The following ZSWIM6 variants were observed in gnomAD, a reference collection of about 807,000 sequenced individuals.
The protein encoded by ZSWIM6 is zinc finger SWIM-type containing 6.
Under a neutral mutation model 113.2 loss-of-function variants are expected in ZSWIM6, and 9 were observed. The ratio of observed to expected loss-of-function variants is 0.08; its 90% confidence interval spans 0.05 to 0.14. ZSWIM6 has a LOEUF of 0.14. Ranked by LOEUF, ZSWIM6 falls within the 10% of genes least tolerant of loss-of-function variation. The probability of loss-of-function intolerance (pLI) is 1.00; values close to 1 mark genes in which losing one functional copy is unlikely to be tolerated. For missense variants in ZSWIM6, 1,162 were observed against 1,552.2 expected (o/e 0.75, Z 4.22); for synonymous variants, 611 against 606.5 (o/e 1.01, Z -0.11).
chr5:61,424,543 T>C (rs1286906133), intron 1 of ZSWIM6, among the ~76,000 whole-genome samples: 1 of 152,180 alleles, frequency 6.6e-6, no homozygotes, highest in African/African-American at 2.4e-5. Context: ...CTGCTTCTAA[T>C]CTTGGGCTTC....
rs1188070017 is a variant in ZSWIM6, at chr5:61,332,725, C to T, written c.453C>T (p.Gly151=). The T allele has an allele frequency of 5.2e-6, 5 of 965,442 alleles. No homozygotes were observed. Among genetic ancestry groups the T allele is most frequent in the Non-Finnish European group, 6.1e-6 (5 of 818,764 alleles). 59.8% of individuals were successfully genotyped at this position (965,442 alleles called of 1,614,324 possible). Residue 151 remains glycine (G), a synonymous_variant, in exon 1 of 14, where the codon GGC becomes GGT. Transcript: ENST00000252744. ...GCGGCGGCGGCGCGGGCGGCGGCGG[C>T]GGCGGCGGCTCCTCGTCTTCCCCGG... ...SGGGGGAGGG[G]GGGSSSSPAA... is the part of the protein sequence containing the mutation.
intron 4 of ZSWIM6, among the ~76,000 whole-genome samples, chr5:61,504,553 G>GT (rs1271294860): frequency 6.6e-6 from 1 of 152,074 alleles, no homozygotes; most frequent in Non-Finnish European, 1.5e-5. Flanking sequence ...TTAAGAAATT[G>GT]TTTTTTTGAA....
At position 61,452,066 on chromosome 5, in the gene ZSWIM6, C is replaced by T. The variant is rs192806535; in HGVS notation, c.677-20615C>T. On this transcript the variant is annotated intron_variant, in intron 1 of 13. Transcript: ENST00000252744. ...GCCTTTTGTGTGCCTCTCTCAGATACCTTTACTTCATTTCCCATTTCCCAC... is the reference window on the plus strand; with the variant it reads ...GCCTTTTGTGTGCCTCTCTCAGATATCTTTACTTCATTTCCCATTTCCCAC... 1.2e-3 allele frequency among the ~76,000 whole-genome samples: 190 copies of T among 152,182 alleles called. 1 individual carries two copies. The highest frequency in any genetic ancestry group is 3.4e-3 in the Middle Eastern group (1 of 294).
intron 4 of ZSWIM6, among the ~76,000 whole-genome samples, chr5:61,515,660 C>A (rs1000793390): frequency 2.8e-4 from 43 of 152,134 alleles, no homozygotes; most frequent in African/African-American, 9.9e-4. Flanking sequence ...ATGTGTCTAA[C>A]ACATGAACTT....
intron 1 of ZSWIM6, chr5:61,391,588 G>T (rs896656608): frequency 1.1e-6 from 1 of 910,598 alleles, no homozygotes; most frequent in Non-Finnish European, 1.9e-6. Context: ...GCCTCGAGGG[G>T]TTTCCACGAA....
chr5:61,505,625 T>A (rs1561268265), intron 4 of ZSWIM6, among the ~76,000 whole-genome samples: 3 of 82,900 alleles, frequency 3.6e-5, no homozygotes, highest in Non-Finnish European at 8.1e-5. Context: ...CTTCCTTCCT[T>A]CCTTCCTTCC....
At chr5:61,466,331 T>G (rs1178844504) in intron 1 of ZSWIM6, among the ~76,000 whole-genome samples, 1 of 152,190 alleles carries the variant, frequency 6.6e-6, no homozygotes, top group African/African-American at 2.4e-5. Flanking sequence ...ATGGGAGCAT[T>G]AACACTTTTG....
At chr5:61,424,655 C>T (rs927309886) in intron 1 of ZSWIM6, among the ~76,000 whole-genome samples, 1 of 151,708 alleles carries the variant, frequency 6.6e-6, no homozygotes, top group Non-Finnish European at 1.5e-5. Context: ...TATGGAATTA[C>T]TTTTGTTGAG....
chr5:61,403,901 T>C (rs1745990869), intron 1 of ZSWIM6, among the ~76,000 whole-genome samples: 1 of 152,246 alleles, frequency 6.6e-6, no homozygotes, highest in African/African-American at 2.4e-5. Context: ...AAGTATATTT[T>C]TGAGTAGCTT....
chr5:61,363,362 T>C (rs1035653705), intron 1 of ZSWIM6, among the ~76,000 whole-genome samples: 3 of 152,234 alleles, frequency 2.0e-5, no homozygotes, highest in Non-Finnish European at 4.4e-5. Flanking sequence ...GAATACCCTG[T>C]AATCTAGTGA....
At chr5:61,519,878 G>A (rs916617315) in intron 4 of ZSWIM6, among the ~76,000 whole-genome samples, 3 of 152,110 alleles carry the variant, frequency 2.0e-5, no homozygotes, top group Admixed American at 1.3e-4. Flanking sequence ...TCAGGCATTA[G>A]TTAGATTCCC....
chr5:61,527,373 A>C (rs1218197666), intron 7 of ZSWIM6, among the ~76,000 whole-genome samples: 2 of 152,028 alleles, frequency 1.3e-5, no homozygotes, highest in Non-Finnish European at 2.9e-5. Context: ...TTTTGTTTTT[A>C]ATGCTTGGGT....
At chr5:61,338,219 A>T (rs1413852410) in intron 1 of ZSWIM6, among the ~76,000 whole-genome samples, 2 of 151,504 alleles carry the variant, frequency 1.3e-5, no homozygotes, top group Admixed American at 6.6e-5. Flanking sequence ...TAGAATTAAG[A>T]TGGGTACAAA....
chr5:61,377,682 A>ACTCCAGCC (rs1010406635), intron 1 of ZSWIM6, among the ~76,000 whole-genome samples: 1 of 151,554 alleles, frequency 6.6e-6, no homozygotes, highest in African/African-American at 2.4e-5. Flanking sequence ...ACACCACTGC[A>ACTCCAGCC]CTCCAGCCTG....
chr5:61,526,661 A>G lies in ZSWIM6; in HGVS notation c.1837+265A>G. Reference sequence around the variant, plus strand: ...AATTTTCTTTATTGTTTTAATGACTATTTAGTATGTCTAAATTATTTAAAA... The same window carrying G: ...AATTTTCTTTATTGTTTTAATGACTGTTTAGTATGTCTAAATTATTTAAAA... On this transcript the variant is annotated intron_variant, in intron 7 of 13. Coordinates refer to ENST00000252744, the MANE Select transcript of ZSWIM6 (RefSeq NM_020928.2). Among the ~76,000 whole-genome samples, 3 of 149,550 alleles carry G rather than the reference A, an allele frequency of 2.0e-5. 1 individual carries two copies. Among genetic ancestry groups the G allele is most frequent in the Admixed American group, 2.0e-4 (3 of 15,174 alleles).
intron 1 of ZSWIM6, among the ~76,000 whole-genome samples, chr5:61,455,628 G>A (rs764463050): frequency 6.6e-5 from 10 of 152,162 alleles, no homozygotes; most frequent in Admixed American, 2.6e-4. Context: ...GGGAGCAGAC[G>A]GAGCACTTGG....
chr5:61,394,329 G>C (rs766727284), intron 1 of ZSWIM6, among the ~76,000 whole-genome samples: 18 of 152,164 alleles, frequency 1.2e-4, no homozygotes, highest in Non-Finnish European at 7.3e-5. Flanking sequence ...TGTGCCCTGG[G>C]CTGTCAGGCA....
intron 1 of ZSWIM6, among the ~76,000 whole-genome samples, chr5:61,462,860 G>A (rs1030251148): frequency 6.6e-6 from 1 of 152,142 alleles, no homozygotes; most frequent in East Asian, 1.9e-4. Flanking sequence ...GATGGAGCTC[G>A]AAGGAAGACC....
chr5:61,500,746 A>G (rs1377848974), intron 4 of ZSWIM6, among the ~76,000 whole-genome samples: 4 of 152,182 alleles, frequency 2.6e-5, no homozygotes, highest in Admixed American at 2.6e-4. Flanking sequence ...TATCATAAAT[A>G]TAGGTACTAC....
Sources: gnomAD v4.1 joint callset for allele counts (sites outside exome capture counted in the v4.1 genomes callset) on GRCh38, gnomAD v4.1.1 for gene constraint, MANE v1.5 for transcripts, NCBI Gene and HGNC (gene_info 2026-07-23, HGNC 2026-07-21) for gene names.